The following MMRN1 variants were observed in gnomAD, a reference collection of about 807,000 sequenced individuals.
MMRN1 encodes multimerin 1.
In MMRN1, 94 loss-of-function variants were observed where a neutral mutation model predicts 100.7. The ratio of observed to expected loss-of-function variants is 0.93; its 90% CI spans 0.79 to 1.11. MMRN1 has a LOEUF of 1.11. Among genes scored for constraint, MMRN1 ranks in the 50% least tolerant of loss-of-function variants. The pLI is 0.00. For synonymous variants in MMRN1, 575 were observed against 505.0 expected, an observed-to-expected ratio of 1.14 and a Z score of -1.86; for missense variants, 1,606 against 1,439.1, an observed-to-expected ratio of 1.12 and a Z score of -1.88.
intron 4 of MMRN1, among the ~76,000 whole-genome samples, chr4:89,924,080 C>T (rs1323288368): frequency 6.6e-6 from 1 of 152,160 alleles, no homozygotes; most frequent in East Asian, 1.9e-4. Flanking sequence ...GTGATTCAAA[C>T]TAAATTATGA....
intron 1 of MMRN1, among the ~76,000 whole-genome samples, chr4:89,884,487 C>T (rs1373448123): frequency 2.0e-5 from 3 of 152,074 alleles, no homozygotes; most frequent in Non-Finnish European, 4.4e-5. Context: ...GTTCCCATTG[C>T]TTGTGGCTAG....
intron 1 of MMRN1, among the ~76,000 whole-genome samples, chr4:89,889,121 C>T (rs1720996779): frequency 6.6e-6 from 1 of 152,062 alleles, no homozygotes; most frequent in South Asian, 2.1e-4. Context: ...TGAGCTAGGT[C>T]TAATATAAAC....
At chr4:89,882,697 A>T (rs757124115) in intron 1 of MMRN1, among the ~76,000 whole-genome samples, 25 of 152,032 alleles carry the variant, frequency 1.6e-4, no homozygotes, top group Non-Finnish European at 2.4e-4. Flanking sequence ...ATACAATGAT[A>T]GGAAGAGGCA....
At chr4:89,940,871 G>A (rs1227749109) in intron 6 of MMRN1, among the ~76,000 whole-genome samples, 1 of 151,864 alleles carries the variant, frequency 6.6e-6, no homozygotes, top group African/African-American at 2.4e-5. Context: ...CAAACTTATA[G>A]CATCTCATTG....
intron 3 of MMRN1, among the ~76,000 whole-genome samples, chr4:89,916,945 C>T (rs1194130078): frequency 1.3e-5 from 2 of 151,612 alleles, no homozygotes; most frequent in Non-Finnish European, 2.9e-5. Flanking sequence ...GACACTTTAC[C>T]TCTCACCTAG....
chr4:89,900,708 A>G (rs1252647727), intron 1 of MMRN1, among the ~76,000 whole-genome samples: 1 of 152,086 alleles, frequency 6.6e-6, no homozygotes, highest in Non-Finnish European at 1.5e-5. Context: ...CTGTAAAATC[A>G]TGGATTATTA....
intron 6 of MMRN1, among the ~76,000 whole-genome samples, chr4:89,943,164 G>T (rs757691066): frequency 6.6e-6 from 1 of 152,128 alleles, no homozygotes; most frequent in South Asian, 2.1e-4. Flanking sequence ...TGATGTGGAC[G>T]TTAGCATATG....
At chr4:89,923,362 A>G in intron 4 of MMRN1, 90 bp downstream of exon 4, 1 of 1,140,760 alleles carries the variant, frequency 8.8e-7, no homozygotes, top group Non-Finnish European at 1.3e-6. Flanking sequence ...TTAGTTGTCA[A>G]ATGATTGATG....
chr4:89,887,881 A>G (rs1720971519), intron 1 of MMRN1, among the ~76,000 whole-genome samples: 1 of 151,852 alleles, frequency 6.6e-6, no homozygotes, highest in African/African-American at 2.4e-5. Context: ...TCAACAGTCA[A>G]ATTAAAAAAA....
intron 6 of MMRN1, among the ~76,000 whole-genome samples, chr4:89,942,963 G>A (rs558087525): frequency 5.3e-5 from 8 of 152,098 alleles, no homozygotes; most frequent in African/African-American, 7.2e-5. Context: ...TGAAATTTGC[G>A]TGGAAATTTA....
At chr4:89,900,145 A>C (rs1000074317) in intron 1 of MMRN1, among the ~76,000 whole-genome samples, 2 of 152,100 alleles carry the variant, frequency 1.3e-5, no homozygotes, top group African/African-American at 4.8e-5. Flanking sequence ...AAGTATTTCG[A>C]AGGCAATGGC....
intron 5 of MMRN1, among the ~76,000 whole-genome samples, chr4:89,933,560 G>A (rs1722508237): frequency 6.6e-6 from 1 of 152,124 alleles, no homozygotes; most frequent in Non-Finnish European, 1.5e-5. Context: ...CATGGCTGGG[G>A]GAGCTTCACA....
chr4:89,900,902 T>G (rs1276064496), intron 1 of MMRN1, among the ~76,000 whole-genome samples: 5 of 152,034 alleles, frequency 3.3e-5, no homozygotes. Flanking sequence ...CAATACAGTC[T>G]TAAATGGGGT....
chr4:89,899,069 T>C (rs1390311390), intron 1 of MMRN1, among the ~76,000 whole-genome samples: 1 of 152,186 alleles, frequency 6.6e-6, no homozygotes, highest in Non-Finnish European at 1.5e-5. Flanking sequence ...TAGAATAAAC[T>C]CATATTTGTT....
intron 7 of MMRN1, 25 bp from the exon 8 acceptor site, chr4:89,952,972 C>G (rs777485275): frequency 3.0e-5 from 46 of 1,539,322 alleles, no homozygotes; most frequent in Non-Finnish European, 3.8e-5. Flanking sequence ...TGAAAATTAA[C>G]TCTTGCCATT....
intron 5 of MMRN1, among the ~76,000 whole-genome samples, 154 bp from the exon 6 acceptor site, chr4:89,934,656 A>G (rs1183965041): frequency 6.6e-6 from 1 of 152,158 alleles, no homozygotes; most frequent in Non-Finnish European, 1.5e-5. Flanking sequence ...TTTATAAATT[A>G]TAGTAATTTT....
At chr4:89,883,535 G>A (rs186043266) in intron 1 of MMRN1, among the ~76,000 whole-genome samples, 234 of 152,094 alleles carry the variant, frequency 1.5e-3, no homozygotes, top group African/African-American at 5.3e-3. Flanking sequence ...AGCCAGTTGT[G>A]TATCTTCCTT....
intron 5 of MMRN1, among the ~76,000 whole-genome samples, chr4:89,932,766 T>A (rs567568164): frequency 4.6e-5 from 7 of 152,180 alleles, no homozygotes; most frequent in African/African-American, 1.7e-4. Flanking sequence ...AAGGCCCCCA[T>A]GAAACTATTT....
intron 6 of MMRN1, among the ~76,000 whole-genome samples, chr4:89,946,087 C>T (rs915460998): frequency 9.9e-5 from 15 of 152,062 alleles, no homozygotes; most frequent in Non-Finnish European, 1.2e-4. Flanking sequence ...GGAAGATAAG[C>T]CTTATTTGAT....
Sources: allele counts gnomAD v4.1 joint callset (sites outside exome capture counted in the v4.1 genomes callset), GRCh38; gene constraint gnomAD v4.1.1; transcripts MANE v1.5; gene names NCBI Gene and HGNC (gene_info 2026-07-23, HGNC 2026-07-21).